The following CPE variants were observed in gnomAD, a reference collection of about 807,000 sequenced individuals.
CPE encodes the protein carbocypeptidase E.
A neutral mutation model predicts 53.5 loss-of-function variants in CPE; 17 were observed. The ratio of observed to expected loss-of-function variants is 0.32; its 90% CI spans 0.22 to 0.48. The LOEUF (loss-of-function observed/expected upper bound fraction) is 0.48. Among genes scored for constraint, CPE ranks in the 20% least tolerant of loss-of-function variants. CPE has a pLI of 0.99. For synonymous variants in CPE, 226 were observed against 228.8 expected, an observed-to-expected ratio of 0.99 and a Z score of 0.11; for missense variants, 524 against 614.7, an observed-to-expected ratio of 0.85 and a Z score of 1.56.
rs775247571 is a variant in CPE at position 165,493,200 on chromosome 4, A to T, written c.1143A>T (p.Arg381=). The part of the protein sequence containing the change: ...QIHRGVKGFV[R]DLQGNPIANA... ...ACCGAGGAGTTAAAGGATTTGTCCG[A>T]GACCTTCAAGGTAACCCAATTGCGA... Residue 381 remains arginine, a synonymous_variant, in exon 7 of 9, where the codon CGA becomes CGT. Coordinates refer to ENST00000402744, the MANE Select transcript of CPE (RefSeq NM_001873.4). 1.9e-6 allele frequency: 3 copies of T among 1,614,086 alleles called. No individual in the cohort carries two copies. In the South Asian group the frequency reaches 3.3e-5, roughly 18 times the overall value.
At chr4:165,459,518 G>A (rs557293338) in intron 1 of CPE, among the ~76,000 whole-genome samples, 1 of 152,190 alleles carries the variant, frequency 6.6e-6, no homozygotes, top group South Asian at 2.1e-4. Flanking sequence ...ACACAATGGG[G>A]AAAAGATGCT....
At position 165,379,514 on chromosome 4, in the gene CPE, G is replaced by A. The variant is rs1296619599; in HGVS notation, c.293G>A (p.Gly98Asp). Reference sequence around the variant, plus strand: ...GTCATCGAGCTGTCCGACAACCCTGGCGTCCATGAGCCTGGTAAGGGCGCT... The same window carrying A: ...GTCATCGAGCTGTCCGACAACCCTGACGTCCATGAGCCTGGTAAGGGCGCT... The part of the protein sequence containing the change: ...LLVIELSDNP[G>D]VHEPGEPEFK... The change falls in exon 1 of 9, where the codon GGC becomes GAC. Residue 98 changes from glycine to aspartate, a missense_variant. By Grantham distance (94) the Gly-to-Asp change is moderately conservative (BLOSUM62 -1). Coordinates refer to ENST00000402744, the MANE Select transcript of CPE (RefSeq NM_001873.4). This position sits in a 1 kb window ranked among gnomAD's most constrained non-coding sequence, Gnocchi z 6.0. 6.3e-7 allele frequency: 1 copy of A among 1,587,670 alleles called. No individual in the cohort carries two copies. Among genetic ancestry groups the A allele is most frequent in the Non-Finnish European group, 8.6e-7 (1 of 1,162,568 alleles).
chr4:165,451,666 A>T (rs1334139908), intron 1 of CPE, among the ~76,000 whole-genome samples: 3 of 151,768 alleles, frequency 2.0e-5, no homozygotes, highest in Non-Finnish European at 2.9e-5. Context: ...TAATTTTTGA[A>T]TTTTTAGTAC....
At chr4:165,401,810 G>C (rs1048404701) in intron 1 of CPE, among the ~76,000 whole-genome samples, 1 of 152,176 alleles carries the variant, frequency 6.6e-6, no homozygotes, top group African/African-American at 2.4e-5. Flanking sequence ...GGTTACAGGG[G>C]CTTCTGCAGT....
At chr4:165,496,366 C>G (rs1235834254) in intron 8 of CPE, among the ~76,000 whole-genome samples, 1 of 152,074 alleles carries the variant, frequency 6.6e-6, no homozygotes, top group Non-Finnish European at 1.5e-5. Flanking sequence ...GAGTTTTTAA[C>G]TGGTATATGG....
At chr4:165,472,317 T>C (rs1732221494) in intron 3 of CPE, among the ~76,000 whole-genome samples, 2 of 152,188 alleles carry the variant, frequency 1.3e-5, no homozygotes, top group African/African-American at 4.8e-5. Flanking sequence ...CAGAGTCCTA[T>C]AGCTGATTAT....
intron 1 of CPE, among the ~76,000 whole-genome samples, chr4:165,401,163 T>C (rs982660404): frequency 6.6e-6 from 1 of 152,236 alleles, no homozygotes; most frequent in African/African-American, 2.4e-5. Context: ...TTCTCAGTCT[T>C]TTCTGCGGCC....
chr4:165,443,783 A>G (rs1313645329), intron 1 of CPE, among the ~76,000 whole-genome samples: 1 of 152,190 alleles, frequency 6.6e-6, no homozygotes, highest in African/African-American at 2.4e-5. Flanking sequence ...GTGTTCTCCC[A>G]AAAGTAATTT....
intron 1 of CPE, among the ~76,000 whole-genome samples, chr4:165,450,344 A>G (rs1376114228): frequency 6.6e-6 from 1 of 152,230 alleles, no homozygotes; most frequent in Non-Finnish European, 1.5e-5. Context: ...ACTCTTCTTC[A>G]TTGGGAAGAA....
At chr4:165,404,955 C>G (rs1730929062) in intron 1 of CPE, 1 of 757,664 alleles carries the variant, frequency 1.3e-6, no homozygotes, top group Non-Finnish European at 2.5e-6. Flanking sequence ...ACGTAGTGAT[C>G]TGGAATCACT....
intron 8 of CPE, 127 bp downstream of exon 8, chr4:165,495,804 A>C: frequency 1.9e-6 from 1 of 519,310 alleles, no homozygotes; most frequent in Non-Finnish European, 3.2e-6. Flanking sequence ...TTGTTATCTC[A>C]ACTTAACAGA....
chr4:165,415,657 T>G (rs1731107902), intron 1 of CPE, among the ~76,000 whole-genome samples: 1 of 152,142 alleles, frequency 6.6e-6, no homozygotes, highest in Admixed American at 6.5e-5. Context: ...AGATCAAAAT[T>G]AATACAAATA....
intron 1 of CPE, among the ~76,000 whole-genome samples, chr4:165,443,454 A>G (rs1731649956): frequency 6.6e-6 from 1 of 152,160 alleles, no homozygotes; most frequent in Non-Finnish European, 1.5e-5. Flanking sequence ...AACCACAAAC[A>G]TTTATTTTTT....
intron 2 of CPE, among the ~76,000 whole-genome samples, chr4:165,465,979 AT>A (rs1313144524): frequency 6.6e-6 from 1 of 152,194 alleles, no homozygotes; most frequent in East Asian, 1.9e-4. Context: ...ATCTCTTTAT[AT>A]TATTAACATT....
intron 1 of CPE, among the ~76,000 whole-genome samples, chr4:165,415,739 T>C (rs4690817): frequency 2.2e-4 from 32 of 147,378 alleles, no homozygotes; most frequent in Admixed American, 1.8e-3. Flanking sequence ...CTAGTACATA[T>C]ATAGTATATA....
chr4:165,481,514 A>T (rs1189013591), intron 3 of CPE, among the ~76,000 whole-genome samples: 1 of 151,946 alleles, frequency 6.6e-6, no homozygotes, highest in East Asian at 1.9e-4. Context: ...GCTATTAAAA[A>T]CTCATTGCAT....
At chr4:165,449,162 C>T (rs548842963) in intron 1 of CPE, among the ~76,000 whole-genome samples, 1 of 152,208 alleles carries the variant, frequency 6.6e-6, no homozygotes, top group Non-Finnish European at 1.5e-5. Flanking sequence ...ATTATCAAGA[C>T]CAATCCTCAG....
rs1257462807 is a variant in CPE, at chr4:165,490,734, ACT to A, written c.1114-2432_1114-2431del. 4.6e-5 allele frequency among the ~76,000 whole-genome samples: 7 copies of A among 151,734 alleles called. No homozygotes were observed. In the East Asian group the frequency reaches 5.8e-4, roughly 13 times the overall value. On this transcript the variant is annotated intron_variant, in intron 6 of 8. Coordinates refer to ENST00000402744, the MANE Select transcript of CPE (RefSeq NM_001873.4). ...GTTTCCTCTCCTACCATTGAATCAC[ACT>A]CTCTGCAGGGCAGGACCGAAGTATC...
intron 3 of CPE, among the ~76,000 whole-genome samples, chr4:165,477,936 A>T (rs779439705): frequency 2.0e-5 from 3 of 152,118 alleles, no homozygotes; most frequent in Non-Finnish European, 2.9e-5. Flanking sequence ...TTGCTCTCCC[A>T]GACTTCCTTC....
Sources: gnomAD v4.1 joint callset for allele counts (sites outside exome capture counted in the v4.1 genomes callset) on GRCh38, gnomAD v4.1.1 for gene constraint, Gnocchi (gnomAD v3.1) non-coding constraint, MANE v1.5 for transcripts, NCBI Gene and HGNC (gene_info 2026-07-23, HGNC 2026-07-21) for gene names.